The following RRP1B variants were observed in gnomAD, a reference collection of about 807,000 sequenced individuals.
The protein encoded by RRP1B is ribosomal RNA processing 1B.
In RRP1B, 56 loss-of-function variants were observed where a neutral mutation model predicts 80.2. The observed-to-expected ratio is 0.70, with a 90% CI of 0.56 to 0.87. The LOEUF (loss-of-function observed/expected upper bound fraction) is 0.87, where lower values mean the gene tolerates loss of function less well. Ranked by LOEUF, RRP1B falls within the 40% of genes least tolerant of loss-of-function variation. The probability of loss-of-function intolerance (pLI) is 0.00; values close to 1 mark genes in which losing one functional copy is unlikely to be tolerated. For synonymous variants in RRP1B, 351 were observed against 357.6 expected (o/e 0.98, Z 0.21); for missense variants, 807 against 939.8 (o/e 0.86, Z 1.85).
chr21:43,690,757 C>T (rs1440922168), intron 14 of RRP1B, among the ~76,000 whole-genome samples: 1 of 152,238 alleles, frequency 6.6e-6, no homozygotes, highest in African/African-American at 2.4e-5. Flanking sequence ...TGGTGCAAGT[C>T]AGCAGTAGGA....
chr21:43,661,310 C>G (rs543389540), intron 1 of RRP1B, among the ~76,000 whole-genome samples: 91 of 152,296 alleles, frequency 6.0e-4, no homozygotes, highest in Middle Eastern at 6.8e-3. Flanking sequence ...CTCTACCTGG[C>G]ACCTCACACT....
Position 43,685,754 on chromosome 21 carries a change from A to AT in RRP1B, c.990-9dup. The AT allele has an allele frequency of 7.4e-6, 11 of 1,488,450 alleles. No homozygotes were observed. The highest frequency in any genetic ancestry group is 2.8e-5 in the South Asian group (2 of 70,370). 92.2% of individuals were successfully genotyped at this position (1,488,450 alleles called of 1,614,324 possible). On this transcript the variant is annotated splice_polypyrimidine_tract_variant and intron_variant, in intron 10 of 15. Transcript: ENST00000340648. ...GTTATTTTTTTATTTTTTATTTTTT[A>AT]TTTTTTTATTTTTAGATTCCAAGAC...
intron 7 of RRP1B, among the ~76,000 whole-genome samples, 172 bp from the exon 8 acceptor site, chr21:43,676,561 C>T (rs2083023386): frequency 1.3e-5 from 2 of 152,252 alleles, no homozygotes; most frequent in African/African-American, 4.8e-5. Flanking sequence ...GACCGCTGGG[C>T]GTCCCGTGCC....
intron 6 of RRP1B, 93 bp from the exon 7 acceptor site, chr21:43,676,179 C>T: frequency 1.1e-6 from 1 of 927,174 alleles, no homozygotes; most frequent in South Asian, 1.5e-5. Flanking sequence ...GGTCTAACTC[C>T]ACCTTTGTAA....
intron 13 of RRP1B, among the ~76,000 whole-genome samples, chr21:43,688,570 G>A (rs545088990): frequency 1.1e-4 from 17 of 152,220 alleles, no homozygotes; most frequent in Non-Finnish European, 4.4e-5. Flanking sequence ...GTCAAAGGCA[G>A]GTCTGGTTTT....
chr21:43,676,530 C>T (rs531914756), intron 7 of RRP1B, among the ~76,000 whole-genome samples, 194 bp downstream of exon 7: 1 of 152,374 alleles, frequency 6.6e-6, no homozygotes, highest in South Asian at 2.1e-4. Flanking sequence ...TCCAGGAATG[C>T]CCTCCCACAC....
chr21:43,684,541 C>T lies in RRP1B; in HGVS notation c.892-12C>T. On this transcript the variant is annotated splice_polypyrimidine_tract_variant and intron_variant, in intron 9 of 15. Transcript: ENST00000340648. ...GGCTGCAGACTTATGTTTAGTTTCT[C>T]TTCCTGCCTAGTTTGACTATAAGGC... 1 of 1,612,672 alleles carries T rather than the reference C, an allele frequency of 6.2e-7. No homozygotes were observed.
Position 43,687,577 on chromosome 21 carries a change from G to GAAA in RRP1B, c.1205_1206insAAA (p.Lys406dup). The GAAA allele has an allele frequency of 1.3e-6, 2 of 1,501,322 alleles. No individual in the cohort carries two copies. The highest frequency in any genetic ancestry group is 2.7e-5 in the South Asian group (2 of 73,244). 93.0% of individuals were successfully genotyped at this position (1,501,322 alleles called of 1,614,324 possible). ...AAAGCAGTCTTCAAAAGAGAAGAAGGAAGAAGAAGAAGAAGCACCACCTGC... is the reference window on the plus strand; with the variant it reads ...AAAGCAGTCTTCAAAAGAGAAGAAGGAAAAAGAAGAAGAAGAAGCACCACCTGC... On this transcript the variant is annotated inframe_insertion, in exon 13 of 16. Coordinates refer to ENST00000340648, the MANE Select transcript of RRP1B (RefSeq NM_015056.3).
chr21:43,695,330 G>C lies in RRP1B; in HGVS notation c.*1947G>C, dbSNP rs768985649. ...GCAAAACTGGCACATTTGTTCTGCAGACTATTGCAGGAATGTTTTTTCCTA... is the reference window on the plus strand; with the variant it reads ...GCAAAACTGGCACATTTGTTCTGCACACTATTGCAGGAATGTTTTTTCCTA... On this transcript the variant is annotated 3_prime_UTR_variant, in exon 16 of 16. Transcript: ENST00000340648. 2.0e-5 allele frequency: 3 copies of C among 152,186 alleles called. No individual in the cohort carries two copies. Among genetic ancestry groups the C allele is most frequent in the Non-Finnish European group, 4.4e-5 (3 of 68,044 alleles). The allele number at this position is 152,186 out of a possible 1,614,324, so 9.4% of individuals were successfully genotyped here.
chr21:43,686,906 T>C lies in RRP1B; in HGVS notation c.1112T>C (p.Leu371Ser), dbSNP rs1377612122. 1.2e-6 allele frequency: 2 copies of C among 1,613,686 alleles called. No individual in the cohort carries two copies. The highest frequency in any genetic ancestry group is 2.7e-5 in the African/African-American group (2 of 74,880). ...CATAAGAAGAAAGGAAATAAACTTT[T>C]AGAGAAAACTAACTTGGAAAAGGAG... ...GKHKKKGNKL[L>S]EKTNLEKEKG... Residue 371 changes from leucine (L) to serine (S), a missense_variant, in exon 12 of 16, where the codon TTA becomes TCA. Physicochemically the swap from Leu to Ser is moderately radical, Grantham distance 145 (BLOSUM62 -2). Coordinates refer to ENST00000340648, the MANE Select transcript of RRP1B (RefSeq NM_015056.3).
chr21:43,678,656 T>C (rs894704678), intron 8 of RRP1B, among the ~76,000 whole-genome samples: 1 of 152,214 alleles, frequency 6.6e-6, no homozygotes. Context: ...TTTGAGTTCC[T>C]TGTAGATTCT....
Position 43,694,868 on chromosome 21 carries a change from C to T in RRP1B, c.*1485C>T, listed in dbSNP as rs1381073608. The stretch of plus-strand genomic sequence containing the variant: ...ACCTCGGTCTCATTCATTCATGGAG[C>T]CAAGGGTGGGGTTTCACCTGCGAAC... On this transcript the variant is annotated 3_prime_UTR_variant, in exon 16 of 16. Transcript: ENST00000340648. 2 of 152,172 alleles carry T rather than the reference C, an allele frequency of 1.3e-5. No individual in the cohort carries two copies. The highest frequency in any genetic ancestry group is 4.8e-5 in the African/African-American group (2 of 41,424). The allele number at this position is 152,172 out of a possible 1,614,324, so 9.4% of individuals were successfully genotyped here.
At chr21:43,684,846 A>G (rs937815354) in intron 10 of RRP1B, among the ~76,000 whole-genome samples, 196 bp downstream of exon 10, 1 of 152,174 alleles carries the variant, frequency 6.6e-6, no homozygotes, top group Non-Finnish European at 1.5e-5. Flanking sequence ...CTCAGGTTCC[A>G]TTCTTCCAGT....
At chr21:43,670,060 G>A in intron 2 of RRP1B, 94 bp downstream of exon 2, 1 of 762,808 alleles carries the variant, frequency 1.3e-6, no homozygotes, top group African/African-American at 1.7e-5. Flanking sequence ...CCGATACACT[G>A]ACGCACACTG....
rs768925043 is a variant in RRP1B, at chr21:43,688,193, G to A, written c.1819G>A (p.Glu607Lys). 1 of 1,575,238 alleles carries A rather than the reference G, an allele frequency of 6.3e-7. No homozygotes were observed. The highest frequency in any genetic ancestry group is 1.2e-5 in the South Asian group (1 of 86,422). The part of the protein sequence containing the change: ...KKMRVMSNLV[E>K]HNGVLESEAG... ...AATGAGAGTGATGTCAAACTTGGTGGAGCACAACGGGGTGCTGGAGTCCGA... is the reference window on the plus strand; with the variant it reads ...AATGAGAGTGATGTCAAACTTGGTGAAGCACAACGGGGTGCTGGAGTCCGA... The change falls in exon 13 of 16, where the codon GAG (glutamate) becomes AAG (lysine). Residue 607 changes from glutamate (E) to lysine (K), a missense_variant. By Grantham distance (56) the Glu-to-Lys change is moderately conservative. Transcript: ENST00000340648.
intron 14 of RRP1B, 59 bp downstream of exon 14, chr21:43,690,499 G>A: frequency 3.8e-6 from 6 of 1,570,952 alleles, no homozygotes; most frequent in Non-Finnish European, 5.2e-6. Flanking sequence ...AGATGGGCTT[G>A]AGCTGACAGT....
chr21:43,693,342 A>G lies in RRP1B; in HGVS notation c.2236A>G (p.Thr746Ala). The change falls in exon 16 of 16, where the codon ACC (threonine) becomes GCC (alanine). Residue 746 changes from threonine (T) to alanine (A), a missense_variant. Coordinates refer to ENST00000340648, the MANE Select transcript of RRP1B (RefSeq NM_015056.3). This position sits in a 1 kb window ranked among gnomAD's most constrained non-coding sequence, Gnocchi z 4.1. ...CCTGGTGGCCAAGAAGCCCCTGACC[A>G]CCACACCAAGGAGAAGGCCCAGGGC... ...SPLVAKKPLT[T>A]TPRRRPRAMD... The G allele has an allele frequency of 6.2e-7, 1 of 1,607,166 alleles. No individual in the cohort carries two copies. The highest frequency in any genetic ancestry group is 8.5e-7 in the Non-Finnish European group (1 of 1,176,592).
chr21:43,683,978 A>AC (rs2083053215), intron 9 of RRP1B, among the ~76,000 whole-genome samples: 1 of 150,576 alleles, frequency 6.6e-6, no homozygotes, highest in African/African-American at 2.4e-5. Flanking sequence ...GGCTCAAAAA[A>AC]AAAAAAAAAA....
intron 13 of RRP1B, among the ~76,000 whole-genome samples, chr21:43,689,994 G>A (rs1002895989): frequency 6.6e-6 from 1 of 152,276 alleles, no homozygotes; most frequent in Non-Finnish European, 1.5e-5. Context: ...TTAACAGATC[G>A]GCTTTGAAAG....
Sources: allele counts gnomAD v4.1 joint callset (sites outside exome capture counted in the v4.1 genomes callset), GRCh38; gene constraint gnomAD v4.1.1; non-coding constraint Gnocchi (gnomAD v3.1); transcripts MANE v1.5; gene names NCBI Gene and HGNC (gene_info 2026-07-23, HGNC 2026-07-21).